Variants in CSMD1 observed in about 807,000 individuals in gnomAD.
CSMD1 encodes CUB and Sushi multiple domains 1, also known as CUB and sushi domain-containing protein 1.
CSMD1 carries 213 observed loss-of-function variants against 417.5 expected under a neutral mutation model. The observed-to-expected ratio is 0.51, with a 90% confidence interval of 0.46 to 0.57. CSMD1 has a LOEUF of 0.57. Ranked by LOEUF, CSMD1 falls within the 20% of genes least tolerant of loss-of-function variation. CSMD1 has a pLI of 0.00. For synonymous variants in CSMD1, 2,862 were observed against 1,736.8 expected (o/e 1.65, Z -16.11); for missense variants, 6,923 against 4,529.7 (o/e 1.53, Z -15.17).
rs78071506 is a variant in CSMD1, at chr8:4,146,294, G to A, written c.416-114195C>T. ...ATTCGCGTAGTGCAGTCGGCACAGT[G>A]CCATAGCCTCTGCTTGGTGTCTGAC... On this transcript the variant is annotated intron_variant, in intron 3 of 69. Transcript: ENST00000635120. Among the ~76,000 whole-genome samples, 88 of 151,008 alleles carry A rather than the reference G, an allele frequency of 5.8e-4. 8 individuals carry two copies. Among genetic ancestry groups the A allele is most frequent in the African/African-American group, 2.1e-3 (83 of 40,370 alleles).
At chr8:4,576,221 C>T (rs545706891) in intron 2 of CSMD1, among the ~76,000 whole-genome samples, 10 of 152,234 alleles carry the variant, frequency 6.6e-5, no homozygotes, top group African/African-American at 2.2e-4. Context: ...GTCCCCACCT[C>T]GTCTTCTGAA....
chr8:4,246,470 G>A (rs879337887), intron 3 of CSMD1, among the ~76,000 whole-genome samples: 2 of 152,106 alleles, frequency 1.3e-5, no homozygotes, highest in Non-Finnish European at 2.9e-5. Context: ...TTATCAATTG[G>A]TCTTGTTACA....
intron 12 of CSMD1, among the ~76,000 whole-genome samples, chr8:3,448,334 AG>A (rs1252422227): frequency 4.7e-5 from 1 of 21,214 alleles, no homozygotes; most frequent in Non-Finnish European, 7.8e-5. Flanking sequence ...GGAGCAAGGG[AG>A]GGAGGGAGGG....
At chr8:4,950,565 A>G (rs1346661966) in intron 1 of CSMD1, among the ~76,000 whole-genome samples, 2 of 152,190 alleles carry the variant, frequency 1.3e-5, no homozygotes, top group Non-Finnish European at 2.9e-5. Context: ...CTAACTTTTT[A>G]TAAATTTAGT....
chr8:3,795,871 T>TATATATCATGTAC, intron 5 of CSMD1, among the ~76,000 whole-genome samples: 1 of 66,998 alleles, frequency 1.5e-5, no homozygotes, highest in African/African-American at 5.1e-5. Context: ...TGTACAGATA[T>TATATATCATGTAC]AGATATATAT....
At chr8:2,956,528 G>A (rs973841218) in intron 63 of CSMD1, among the ~76,000 whole-genome samples, 8 of 151,650 alleles carry the variant, frequency 5.3e-5, no homozygotes, top group East Asian at 3.9e-4. Flanking sequence ...ATCTCCGCTC[G>A]CTGCAAGCTC....
intron 23 of CSMD1, among the ~76,000 whole-genome samples, chr8:3,308,768 G>T (rs1170417197): frequency 8.9e-6 from 1 of 112,454 alleles, no homozygotes; most frequent in East Asian, 2.9e-4. Context: ...TTGTTGCCCA[G>T]GCTGGAGTGC....
At chr8:3,829,346 G>C (rs979925255) in intron 5 of CSMD1, among the ~76,000 whole-genome samples, 9 of 152,036 alleles carry the variant, frequency 5.9e-5, no homozygotes, top group African/African-American at 1.7e-4. Flanking sequence ...GGTCTTTCTG[G>C]TTACTGAGAA....
chr8:3,528,304 G>C (rs924122801), intron 10 of CSMD1, among the ~76,000 whole-genome samples: 2 of 152,130 alleles, frequency 1.3e-5, no homozygotes, highest in African/African-American at 2.4e-5. Context: ...TTTGCTAATA[G>C]CTCAGTGCCA....
chr8:3,485,405 G>C (rs538035035), intron 11 of CSMD1, among the ~76,000 whole-genome samples: 1 of 152,118 alleles, frequency 6.6e-6, no homozygotes, highest in Non-Finnish European at 1.5e-5. Flanking sequence ...AAAACAGGGA[G>C]TTGGCTATGA....
intron 3 of CSMD1, among the ~76,000 whole-genome samples, chr8:4,318,778 G>A (rs754348666): frequency 6.6e-6 from 1 of 150,508 alleles, no homozygotes; most frequent in African/African-American, 2.4e-5. Context: ...CCATATATTG[G>A]CATTGTATTT....
chr8:4,711,869 G>A lies in CSMD1; in HGVS notation c.86-74311C>T, dbSNP rs935774450. 2.6e-5 allele frequency among the ~76,000 whole-genome samples: 4 copies of A among 152,168 alleles called. No homozygotes were observed. In the South Asian group the frequency reaches 8.3e-4, roughly 31 times the overall value. ...AATAATGATCTTTGTTAATAAGATG[G>A]TGATGATGGCACAAATAATACCAGC... On this transcript the variant is annotated intron_variant, in intron 1 of 69. Transcript: ENST00000635120.
At chr8:4,066,088 T>A (rs1799231068) in intron 3 of CSMD1, among the ~76,000 whole-genome samples, 1 of 152,178 alleles carries the variant, frequency 6.6e-6, no homozygotes, top group African/African-American at 2.4e-5. Flanking sequence ...TACAAAACAA[T>A]GAAAACAGTT....
At chr8:4,167,774 G>C (rs951349590) in intron 3 of CSMD1, among the ~76,000 whole-genome samples, 3 of 152,136 alleles carry the variant, frequency 2.0e-5, no homozygotes, top group East Asian at 1.9e-4. Context: ...AGGATTGCTT[G>C]AGTTCAGGAG....
intron 18 of CSMD1, among the ~76,000 whole-genome samples, chr8:3,382,493 T>TATATAAATTTATATATATATAAATTTA: frequency 1.9e-5 from 1 of 51,898 alleles, no homozygotes; most frequent in Admixed American, 1.9e-4. Flanking sequence ...ATTTAATTAG[T>TATATAAATTTATATATATATAAATTTA]TATGTATATA....
At chr8:4,448,252 A>T in intron 2 of CSMD1, among the ~76,000 whole-genome samples, 1 of 152,214 alleles carries the variant, frequency 6.6e-6, no homozygotes, top group East Asian at 1.9e-4. Context: ...TCAAAAGCCC[A>T]TTTAGCAAAG....
At chr8:3,164,630 A>C (rs1225137148) in intron 37 of CSMD1, among the ~76,000 whole-genome samples, 1 of 152,194 alleles carries the variant, frequency 6.6e-6, no homozygotes, top group Admixed American at 6.5e-5. Flanking sequence ...TACTTAAAAT[A>C]CTAGGTAAAT....
chr8:4,077,017 G>A (rs1282925736), intron 3 of CSMD1, among the ~76,000 whole-genome samples: 1 of 151,984 alleles, frequency 6.6e-6, no homozygotes, highest in Non-Finnish European at 1.5e-5. Flanking sequence ...AAGAAAAATT[G>A]CAACTCTAGG....
intron 26 of CSMD1, among the ~76,000 whole-genome samples, chr8:3,270,738 G>C (rs1189414866): frequency 1.3e-5 from 2 of 152,052 alleles, no homozygotes; most frequent in South Asian, 2.1e-4. Context: ...ATAATCCAGA[G>C]GGGAAGGAAC....
Sources: gnomAD v4.1 joint callset for allele counts (sites outside exome capture counted in the v4.1 genomes callset) on GRCh38, gnomAD v4.1.1 for gene constraint, MANE v1.5 for transcripts, NCBI Gene and HGNC (gene_info 2026-07-23, HGNC 2026-07-21) for gene names.